PDE10A: variants seen among roughly 807,000 people sequenced by gnomAD.
PDE10A encodes cAMP and cAMP-inhibited cGMP 3',5'-cyclic phosphodiesterase 10A.
PDE10A carries 39 observed loss-of-function variants against 97.7 expected under a neutral mutation model. That is an observed-to-expected ratio of 0.40 (90% CI 0.31 to 0.52). The LOEUF is 0.52. PDE10A is among the 20% of genes least tolerant of loss of function. The pLI is 0.56. For missense variants in PDE10A, 731 were observed against 1,047.8 expected (o/e 0.70, Z 4.17); for synonymous variants, 371 against 376.8 (o/e 0.98, Z 0.18).
At position 165,661,315 on chromosome 6, in the gene PDE10A, G is replaced by T. The variant is rs1790243672; in HGVS notation, c.865+632C>A. 1 of 152,418 alleles carries T rather than the reference G, an allele frequency of 6.6e-6. No individual in the cohort carries two copies. The highest frequency in any genetic ancestry group is 2.0e-4 in the East Asian group (1 of 5,126). The allele number at this position is 152,418 out of a possible 1,614,324, so 9.4% of individuals were successfully genotyped here. ...CCCGGGACCAACAGGACGCGGCCCG[G>T]GGTGGGGGTGCGTCCCCTGGGTGGA... On this transcript the variant is annotated intron_variant, in intron 1 of 21. Coordinates refer to ENST00000539869, the MANE Select transcript of PDE10A (RefSeq NM_001385079.1). The surrounding 1 kb of genome is among the most constrained non-coding windows in gnomAD (Gnocchi z 4.8).
At chr6:165,627,842 T>A (rs1229287148) in intron 1 of PDE10A, among the ~76,000 whole-genome samples, 1 of 152,272 alleles carries the variant, frequency 6.6e-6, no homozygotes, top group African/African-American at 2.4e-5. Context: ...ACTCTGAACC[T>A]AGAATTCATC....
chr6:165,789,063 T>C (rs916653545), intron 1 of PDE10A, among the ~76,000 whole-genome samples: 2 of 151,976 alleles, frequency 1.3e-5, no homozygotes, highest in Non-Finnish European at 2.9e-5. Flanking sequence ...GCATCCTCTG[T>C]GGGGGCTGGA....
At chr6:165,969,274 CT>C (rs1784601292) in intron 1 of PDE10A, among the ~76,000 whole-genome samples, 1 of 152,148 alleles carries the variant, frequency 6.6e-6, no homozygotes, top group South Asian at 2.1e-4. Context: ...TCCTCTTCCC[CT>C]GACAAGATAA....
chr6:165,556,943 C>T (rs953422928), intron 1 of PDE10A, among the ~76,000 whole-genome samples: 1 of 151,956 alleles, frequency 6.6e-6, no homozygotes, highest in Non-Finnish European at 1.5e-5. Context: ...AGTTCGACAC[C>T]AGCCTGGCCA....
chr6:165,545,979 T>C (rs553996904), intron 1 of PDE10A, among the ~76,000 whole-genome samples: 1 of 152,124 alleles, frequency 6.6e-6, no homozygotes, highest in East Asian at 1.9e-4. Flanking sequence ...TTTTGGCAGC[T>C]TTACTCATAA....
At chr6:165,895,750 G>C (rs1472439304) in intron 1 of PDE10A, among the ~76,000 whole-genome samples, 2 of 152,092 alleles carry the variant, frequency 1.3e-5, no homozygotes, top group African/African-American at 2.4e-5. Flanking sequence ...AAAACCTCCT[G>C]TTCCCAAGGG....
intron 21 of PDE10A, among the ~76,000 whole-genome samples, chr6:165,334,455 A>G (rs9459372): frequency 0.1 from 13,682 of 134,526 alleles, 1,042 homozygotes; most frequent in Middle Eastern, 0.22. Flanking sequence ...CGCCGGGCAC[A>G]CGCCTCCATA....
At chr6:165,940,500 A>G (rs1783479490) in intron 1 of PDE10A, 1 of 152,286 alleles carries the variant, frequency 6.6e-6, no homozygotes, top group African/African-American at 2.4e-5. Flanking sequence ...GCTCTGGCGC[A>G]GTTTTTCATC....
intron 1 of PDE10A, among the ~76,000 whole-genome samples, chr6:165,853,740 A>G (rs1418899083): frequency 1.3e-5 from 2 of 152,254 alleles, no homozygotes; most frequent in Non-Finnish European, 2.9e-5. Flanking sequence ...GCAGAAAAAA[A>G]CAATGAATGT....
intron 1 of PDE10A, among the ~76,000 whole-genome samples, chr6:165,911,282 C>T (rs1251708668): frequency 2.0e-5 from 3 of 152,250 alleles, no homozygotes; most frequent in East Asian, 1.9e-4. Flanking sequence ...ACATTAAAAA[C>T]GATTTATTGC....
chr6:165,509,490 C>T (rs1781390540), intron 2 of PDE10A, among the ~76,000 whole-genome samples: 1 of 151,824 alleles, frequency 6.6e-6, no homozygotes, highest in Non-Finnish European at 1.5e-5. Context: ...AATCGCCTTG[C>T]AATATAATAT....
intron 1 of PDE10A, among the ~76,000 whole-genome samples, chr6:165,865,574 A>G (rs1781019386): frequency 6.6e-6 from 1 of 151,792 alleles, no homozygotes; most frequent in South Asian, 2.1e-4. Flanking sequence ...GAAATTCAAC[A>G]AAGAGATAGA....
chr6:165,782,329 C>T (rs999074402), intron 1 of PDE10A, among the ~76,000 whole-genome samples: 22 of 152,174 alleles, frequency 1.4e-4, no homozygotes, highest in African/African-American at 2.9e-4. Flanking sequence ...TTGCTGTAGA[C>T]GAGTCTCCTC....
chr6:165,712,022 G>C (rs1791907102), intron 1 of PDE10A, among the ~76,000 whole-genome samples: 2 of 152,068 alleles, frequency 1.3e-5, no homozygotes, highest in Admixed American at 1.3e-4. Flanking sequence ...TTGCTGATGG[G>C]CCCTGGAAGG....
intron 1 of PDE10A, among the ~76,000 whole-genome samples, chr6:165,816,591 G>A (rs80166883): frequency 0.057 from 8,622 of 152,284 alleles, 865 homozygotes; most frequent in East Asian, 0.43. Flanking sequence ...TTAAATGATT[G>A]AATACCTGGA....
intron 1 of PDE10A, among the ~76,000 whole-genome samples, chr6:165,566,767 T>TC: frequency 6.6e-6 from 1 of 152,120 alleles, no homozygotes; most frequent in Middle Eastern, 3.4e-3. Context: ...AATCATATTT[T>TC]TAAAAAGGAA....
At chr6:165,447,822 T>C (rs1476681044) in intron 5 of PDE10A, among the ~76,000 whole-genome samples, 1 of 152,130 alleles carries the variant, frequency 6.6e-6, no homozygotes, top group Non-Finnish European at 1.5e-5. Context: ...AATACAAGAA[T>C]GAACAAGAAA....
At chr6:165,760,698 C>T (rs1029817699) in intron 1 of PDE10A, among the ~76,000 whole-genome samples, 1 of 152,154 alleles carries the variant, frequency 6.6e-6, no homozygotes, top group Non-Finnish European at 1.5e-5. Context: ...TACCTGGTGT[C>T]CTACTGAGGT....
chr6:165,432,830 G>A, intron 7 of PDE10A, 144 bp downstream of exon 7: 2 of 607,870 alleles, frequency 3.3e-6, no homozygotes, highest in Non-Finnish European at 5.8e-6. Flanking sequence ...ATTATCATTA[G>A]TATCAAAACA....
Sources: allele counts gnomAD v4.1 joint callset (sites outside exome capture counted in the v4.1 genomes callset), GRCh38; gene constraint gnomAD v4.1.1; non-coding constraint Gnocchi (gnomAD v3.1); transcripts MANE v1.5; gene names NCBI Gene and HGNC (gene_info 2026-07-23, HGNC 2026-07-21).